TAPT1: variants seen among roughly 807,000 people sequenced by gnomAD.
TAPT1 encodes the protein transmembrane anterior posterior transformation 1.
In TAPT1, 28 loss-of-function variants were observed where a neutral mutation model predicts 65.6. The ratio of observed to expected loss-of-function variants is 0.43; its 90% CI spans 0.32 to 0.59. The LOEUF (loss-of-function observed/expected upper bound fraction) is 0.59, where lower values mean the gene tolerates loss of function less well. TAPT1 is among the 20% of genes least tolerant of loss of function. TAPT1 has a pLI of 0.09. For missense variants in TAPT1, 563 were observed against 679.9 expected, an observed-to-expected ratio of 0.83 and a Z score of 1.91; for synonymous variants, 278 against 245.2, an observed-to-expected ratio of 1.13 and a Z score of -1.25.
At position 16,226,041 on chromosome 4, in the gene TAPT1, C is replaced by G. The variant is rs576219410; in HGVS notation, c.199+218G>C. The G allele has an allele frequency of 8.9e-6, 9 of 1,008,014 alleles. No homozygotes were observed. In the South Asian group the frequency reaches 2.8e-4, roughly 31 times the overall value. The allele number at this position is 1,008,014 out of a possible 1,614,324, so 62.4% of individuals were successfully genotyped here. On this transcript the variant is annotated intron_variant, in intron 1 of 13. Coordinates refer to ENST00000405303, the MANE Select transcript of TAPT1 (RefSeq NM_153365.3). The stretch of plus-strand genomic sequence containing the variant: ...GGGCACACCTGGCCTGGCGCGGCCG[C>G]GGGGGCCTCGGGGCTGCGCGCGCAA...
chr4:16,218,575 G>A (rs1013372421), intron 1 of TAPT1, among the ~76,000 whole-genome samples: 2 of 152,218 alleles, frequency 1.3e-5, no homozygotes, highest in Non-Finnish European at 2.9e-5. Context: ...CATTAGTCCT[G>A]TGACCCTGCT....
chr4:16,211,851 T>C (rs1364023689), intron 2 of TAPT1, among the ~76,000 whole-genome samples: 1 of 152,248 alleles, frequency 6.6e-6, no homozygotes, highest in Non-Finnish European at 1.5e-5. Context: ...GACCACAATT[T>C]AGAATCACTG....
chr4:16,164,337 C>T (rs1353656371), intron 13 of TAPT1, among the ~76,000 whole-genome samples: 3 of 152,118 alleles, frequency 2.0e-5, no homozygotes, highest in African/African-American at 4.8e-5. Context: ...TCTTTTACAA[C>T]GTGATGAATC....
At chr4:16,172,265 T>C (rs956136048) in intron 11 of TAPT1, among the ~76,000 whole-genome samples, 3 of 152,116 alleles carry the variant, frequency 2.0e-5, no homozygotes, top group African/African-American at 7.2e-5. Context: ...GTTCATACTA[T>C]GAGTTTTCTG....
At position 16,226,059 on chromosome 4, in the gene TAPT1, G is replaced by T. The variant is rs533189278; in HGVS notation, c.199+200C>A. On this transcript the variant is annotated intron_variant, in intron 1 of 13. Transcript: ENST00000405303. ...GCGGCCGCGGGGGCCTCGGGGCTGCGCGCGCAACCCGCCCGAGGAACTGTC... is the reference window on the plus strand; with the variant it reads ...GCGGCCGCGGGGGCCTCGGGGCTGCTCGCGCAACCCGCCCGAGGAACTGTC... 75 of 1,015,056 alleles carry T rather than the reference G, an allele frequency of 7.4e-5. No homozygotes were observed. The African/African-American group carries it at 1.3e-3, about 17-fold the overall frequency. 62.9% of individuals were successfully genotyped at this position (1,015,056 alleles called of 1,614,324 possible).
chr4:16,214,843 G>C (rs1750842673), intron 1 of TAPT1, among the ~76,000 whole-genome samples: 1 of 152,172 alleles, frequency 6.6e-6, no homozygotes, highest in South Asian at 2.1e-4. Flanking sequence ...AGCTGGCCTT[G>C]TGGTCCTTTC....
At chr4:16,179,313 G>A (rs1748561742) in intron 8 of TAPT1, 1 of 342,174 alleles carries the variant, frequency 2.9e-6, no homozygotes, top group Non-Finnish European at 5.4e-6. Context: ...ATCTAAACAT[G>A]TCTAAACACA....
rs777826391 is a variant in TAPT1 at position 16,196,714 on chromosome 4, T to C, written c.450-5191A>G. ...TCTATAAAGGAAGTGAAAGTGCTCC[T>C]CCCTTCGGTCTGATTTACGAGAGAG... On this transcript the variant is annotated intron_variant, in intron 3 of 13. Coordinates refer to ENST00000405303, the MANE Select transcript of TAPT1 (RefSeq NM_153365.3). The C allele has an allele frequency of 6.2e-6, 8 of 1,287,288 alleles. No homozygotes were observed. The South Asian group carries it at 8.6e-5, about 14-fold the overall frequency. 79.7% of individuals were successfully genotyped at this position (1,287,288 alleles called of 1,614,324 possible).
intron 2 of TAPT1, among the ~76,000 whole-genome samples, chr4:16,205,501 C>A (rs1160439836): frequency 1.3e-5 from 2 of 152,168 alleles, no homozygotes; most frequent in Non-Finnish European, 2.9e-5. Context: ...AGGGAATTCA[C>A]AACCCAGTGA....
chr4:16,222,746 T>C (rs1751324744), intron 1 of TAPT1, among the ~76,000 whole-genome samples: 1 of 152,136 alleles, frequency 6.6e-6, no homozygotes, highest in Admixed American at 6.5e-5. Flanking sequence ...CTCTGCTCAA[T>C]CTCTAACAGA....
At chr4:16,167,524 T>G (rs1010299806) in intron 12 of TAPT1, among the ~76,000 whole-genome samples, 8 of 152,200 alleles carry the variant, frequency 5.3e-5, no homozygotes, top group Admixed American at 2.0e-4. Flanking sequence ...TCTTGCTGTA[T>G]AGAAATGGTC....
At chr4:16,204,427 A>C (rs1750221242) in intron 2 of TAPT1, among the ~76,000 whole-genome samples, 1 of 152,252 alleles carries the variant, frequency 6.6e-6, no homozygotes, top group Non-Finnish European at 1.5e-5. Context: ...GCAGACATAT[A>C]ATTTTAAAAT....
intron 1 of TAPT1, among the ~76,000 whole-genome samples, chr4:16,220,528 A>G (rs1286050879): frequency 1.3e-5 from 2 of 152,162 alleles, no homozygotes; most frequent in Non-Finnish European, 2.9e-5. Flanking sequence ...AGGCGGGTGG[A>G]TCCCAATGTC....
intron 1 of TAPT1, among the ~76,000 whole-genome samples, chr4:16,217,014 T>C (rs1750977645): frequency 1.3e-5 from 2 of 152,216 alleles, no homozygotes; most frequent in East Asian, 1.9e-4. Context: ...TTTCTTTTTA[T>C]ACTACTTTTC....
At chr4:16,203,387 G>A (rs1288439955) in intron 2 of TAPT1, among the ~76,000 whole-genome samples, 1 of 152,172 alleles carries the variant, frequency 6.6e-6, no homozygotes, top group African/African-American at 2.4e-5. Flanking sequence ...AGGCTGAACT[G>A]TGTCCTCTCT....
At chr4:16,176,002 A>C in intron 9 of TAPT1, 117 bp downstream of exon 9, 1 of 547,340 alleles carries the variant, frequency 1.8e-6, no homozygotes, top group African/African-American at 2.0e-5. Flanking sequence ...ATTTTTAGAA[A>C]CTTAAAATTA....
At chr4:16,226,579 G>C (rs1054680362), upstream of TAPT1, 4 of 626,338 alleles carry the variant, frequency 6.4e-6, no homozygotes, top group Non-Finnish European at 7.9e-6. Flanking sequence ...GCCGCCATCC[G>C]CGGCCCGCCG....
intron 1 of TAPT1, among the ~76,000 whole-genome samples, chr4:16,214,832 G>A (rs1457147300): frequency 6.6e-6 from 1 of 152,138 alleles, no homozygotes; most frequent in African/African-American, 2.4e-5. Flanking sequence ...TCTTTGCTCT[G>A]AGCTGGCCTT....
chr4:16,176,828 G>A (rs1748362521), intron 8 of TAPT1: 1 of 152,236 alleles, frequency 6.6e-6, no homozygotes, highest in South Asian at 2.1e-4. Flanking sequence ...ATGCTGATGG[G>A]ATGACTAGAT....
Sources: allele counts gnomAD v4.1 joint callset (sites outside exome capture counted in the v4.1 genomes callset), GRCh38; gene constraint gnomAD v4.1.1; transcripts MANE v1.5; gene names NCBI Gene and HGNC (gene_info 2026-07-23, HGNC 2026-07-21).